ZFPM2: variants seen among roughly 807,000 people sequenced by gnomAD.
ZFPM2 encodes the protein zinc finger protein, FOG family member 2, also known as zinc finger protein ZFPM2.
A neutral mutation model predicts 98.6 loss-of-function variants in ZFPM2; 20 were observed. The ratio of observed to expected loss-of-function variants is 0.20; its 90% confidence interval spans 0.14 to 0.29. The LOEUF (loss-of-function observed/expected upper bound fraction) is 0.29. ZFPM2 is among the 10% of genes least tolerant of loss of function. The pLI is 1.00. For synonymous variants in ZFPM2, 518 were observed against 502.7 expected (o/e 1.03, Z -0.41); for missense variants, 1,310 against 1,388.6 (o/e 0.94, Z 0.90).
At chr8:105,381,706 A>C (rs1810893102) in intron 1 of ZFPM2, among the ~76,000 whole-genome samples, 1 of 152,110 alleles carries the variant, frequency 6.6e-6, no homozygotes, top group Admixed American at 6.6e-5. Flanking sequence ...TAAAATGTAA[A>C]TGTTTTTGCA....
chr8:105,464,195 A>C (rs2130315571), intron 3 of ZFPM2, among the ~76,000 whole-genome samples: 1 of 152,204 alleles, frequency 6.6e-6, no homozygotes, highest in Non-Finnish European at 1.5e-5. Flanking sequence ...AGCTCAGTTC[A>C]CTTTCTGAAG....
At chr8:105,751,740 A>T (rs1563548804) in intron 5 of ZFPM2, among the ~76,000 whole-genome samples, 1 of 151,736 alleles carries the variant, frequency 6.6e-6, no homozygotes, top group East Asian at 1.9e-4. Context: ...GGCTACGTTT[A>T]TGTAGCTTTT....
At chr8:105,427,939 T>G (rs1811947642) in intron 2 of ZFPM2, among the ~76,000 whole-genome samples, 1 of 152,164 alleles carries the variant, frequency 6.6e-6, no homozygotes, top group South Asian at 2.1e-4. Context: ...CATCTTCCTG[T>G]GTATGTATCA....
At chr8:105,644,047 A>G (rs1034910448) in intron 5 of ZFPM2, among the ~76,000 whole-genome samples, 1 of 152,168 alleles carries the variant, frequency 6.6e-6, no homozygotes, top group Non-Finnish European at 1.5e-5. Flanking sequence ...CTAAAATATT[A>G]TGTGGTTCTT....
intron 1 of ZFPM2, among the ~76,000 whole-genome samples, chr8:105,339,940 C>A (rs1479219483): frequency 6.6e-6 from 1 of 151,922 alleles, no homozygotes; most frequent in Admixed American, 6.6e-5. Flanking sequence ...TAAAGGAGAT[C>A]TTAAGGAATC....
rs1206922930 is a variant in ZFPM2 at position 105,330,611 on chromosome 8, CACATATATATATATATATAT to C, written c.40+11649_40+11668del. On this transcript the variant is annotated intron_variant, in intron 1 of 7. Transcript: ENST00000407775. The stretch of plus-strand genomic sequence containing the variant: ...ATATATATACATATATATATATATA[CACATATATATATATATATAT>C]ACATATATATATATATATTTTTCAG... Among the ~76,000 whole-genome samples, 258 of 76,152 alleles carry C rather than the reference CACATATATATATATATATAT, an allele frequency of 3.4e-3. 5 individuals are homozygous for C. Among genetic ancestry groups the C allele is most frequent in the Non-Finnish European group, 5.3e-3 (221 of 41,788 alleles). The allele number at this position is 76,152 out of a possible 152,430, so 50.0% of individuals were successfully genotyped here.
intron 5 of ZFPM2, among the ~76,000 whole-genome samples, chr8:105,717,810 GC>G (rs1233911673): frequency 1.3e-5 from 2 of 151,722 alleles, no homozygotes; most frequent in African/African-American, 4.8e-5. Context: ...CTTGTCACAT[GC>G]CTTGTCTTTA....
At chr8:105,583,675 A>T (rs1354719965) in intron 4 of ZFPM2, among the ~76,000 whole-genome samples, 1 of 152,198 alleles carries the variant, frequency 6.6e-6, no homozygotes, top group East Asian at 1.9e-4. Context: ...TGCCAATGGC[A>T]GTAAAACCAT....
intron 3 of ZFPM2, among the ~76,000 whole-genome samples, chr8:105,516,625 C>T (rs891767801): frequency 2.6e-5 from 4 of 152,040 alleles, no homozygotes; most frequent in African/African-American, 7.2e-5. Context: ...GCCATGTATT[C>T]GGATGTTTAT....
At chr8:105,330,593 T>TAC (rs1183886414) in intron 1 of ZFPM2, among the ~76,000 whole-genome samples, 1,766 of 40,204 alleles carry the variant, frequency 0.044, 50 homozygotes, top group African/African-American at 0.092. Flanking sequence ...TATATATATA[T>TAC]ACATATATAT....
At chr8:105,456,255 A>G (rs946951219) in intron 3 of ZFPM2, among the ~76,000 whole-genome samples, 10 of 151,000 alleles carry the variant, frequency 6.6e-5, no homozygotes, top group African/African-American at 2.4e-4. Context: ...CTCAAATTTA[A>G]TGACATTCAG....
At chr8:105,753,348 A>G (rs1812520531) in intron 5 of ZFPM2, among the ~76,000 whole-genome samples, 1 of 152,088 alleles carries the variant, frequency 6.6e-6, no homozygotes. Flanking sequence ...AAGCCCACCT[A>G]TGGACAGCTC....
At chr8:105,370,513 G>A (rs1463344159) in intron 1 of ZFPM2, among the ~76,000 whole-genome samples, 5 of 152,100 alleles carry the variant, frequency 3.3e-5, no homozygotes, top group Admixed American at 6.6e-5. Context: ...TTGTCCTATG[G>A]GGCAGATGCC....
At chr8:105,730,240 A>G (rs1443327812) in intron 5 of ZFPM2, among the ~76,000 whole-genome samples, 1 of 151,762 alleles carries the variant, frequency 6.6e-6, no homozygotes, top group African/African-American at 2.4e-5. Flanking sequence ...AGTGTCCAGG[A>G]ATGAAATAAT....
chr8:105,341,371 C>T (rs1812428319), intron 1 of ZFPM2, among the ~76,000 whole-genome samples: 1 of 151,662 alleles, frequency 6.6e-6, no homozygotes, highest in Non-Finnish European at 1.5e-5. Flanking sequence ...GAGTGAATTT[C>T]TATCACAAAA....
intron 5 of ZFPM2, among the ~76,000 whole-genome samples, chr8:105,749,645 C>T (rs1168803268): frequency 6.6e-6 from 1 of 151,406 alleles, no homozygotes; most frequent in East Asian, 1.9e-4. Flanking sequence ...TAGGTCATAA[C>T]AAACAAATAT....
At chr8:105,443,075 G>A (rs1563660926) in intron 2 of ZFPM2, among the ~76,000 whole-genome samples, 1 of 152,006 alleles carries the variant, frequency 6.6e-6, no homozygotes, top group African/African-American at 2.4e-5. Flanking sequence ...GTGGGAGGCC[G>A]AGGCAGGTGG....
intron 3 of ZFPM2, among the ~76,000 whole-genome samples, chr8:105,544,191 T>A (rs1238352333): frequency 1.3e-5 from 2 of 152,180 alleles, no homozygotes; most frequent in Admixed American, 6.5e-5. Flanking sequence ...AAAGCCTTAG[T>A]AGAATGAACA....
At chr8:105,332,165 T>C (rs1812245659) in intron 1 of ZFPM2, among the ~76,000 whole-genome samples, 1 of 151,782 alleles carries the variant, frequency 6.6e-6, no homozygotes, top group African/African-American at 2.4e-5. Context: ...TCTCATTCAC[T>C]TCTTACTTCA....
Sources: gnomAD v4.1 joint callset for allele counts (sites outside exome capture counted in the v4.1 genomes callset) on GRCh38, gnomAD v4.1.1 for gene constraint, MANE v1.5 for transcripts, NCBI Gene and HGNC (gene_info 2026-07-23, HGNC 2026-07-21) for gene names.